Variants in CYP2C18 observed in about 807,000 individuals in gnomAD.
CYP2C18 encodes the protein cytochrome P450 family 2 subfamily C member 18.
CYP2C18 carries 38 observed loss-of-function variants against 41.3 expected under a neutral mutation model. That is an observed-to-expected ratio of 0.92 (90% confidence interval 0.71 to 1.21). The LOEUF (loss-of-function observed/expected upper bound fraction) is 1.21, where lower values mean the gene tolerates loss of function less well. Among genes scored for constraint, CYP2C18 ranks in the 50% most tolerant of loss-of-function variants. The probability of loss-of-function intolerance (pLI) is 0.00; values close to 1 mark genes in which losing one functional copy is unlikely to be tolerated. For missense variants in CYP2C18, 635 were observed against 591.4 expected, an observed-to-expected ratio of 1.07 and a Z score of -0.77; for synonymous variants, 236 against 210.0, an observed-to-expected ratio of 1.12 and a Z score of -1.07.
intron 5 of CYP2C18, among the ~76,000 whole-genome samples, 166 bp downstream of exon 5, chr10:94,707,126 TTA>T (rs1491211411): frequency 1.7e-4 from 2 of 11,492 alleles, no homozygotes; most frequent in Non-Finnish European, 2.5e-3. Flanking sequence ...TGTTAAACAA[TTA>T]TATGTGAGCA....
chr10:94,712,688 T>A (rs1847460514), intron 5 of CYP2C18, among the ~76,000 whole-genome samples: 2 of 152,186 alleles, frequency 1.3e-5, no homozygotes, highest in Non-Finnish European at 2.9e-5. Context: ...TGATTTCAAA[T>A]CTTTTGAGTA....
intron 1 of CYP2C18, among the ~76,000 whole-genome samples, chr10:94,686,391 C>T (rs952038405): frequency 6.6e-6 from 1 of 152,156 alleles, no homozygotes; most frequent in Admixed American, 6.5e-5. Flanking sequence ...TACGAATATT[C>T]CTATATGAAT....
In CYP2C18 at chr10:94,683,770, A is replaced by C; in HGVS notation, c.-50A>C. On this transcript the variant is annotated 5_prime_UTR_variant, in exon 1 of 9. Coordinates refer to ENST00000285979, the MANE Select transcript of CYP2C18 (RefSeq NM_000772.3). ...GTGGATTAGTAGGGAGTGTTATAAAAGCCTTGAAGTGAAAGCCCGCAGTTG... is the reference window on the plus strand; with the variant it reads ...GTGGATTAGTAGGGAGTGTTATAAACGCCTTGAAGTGAAAGCCCGCAGTTG... 6.9e-7 allele frequency: 1 copy of C among 1,449,436 alleles called. No homozygotes were observed. Among genetic ancestry groups the C allele is most frequent in the Non-Finnish European group, 9.3e-7 (1 of 1,079,340 alleles). 89.8% of individuals were successfully genotyped at this position (1,449,436 alleles called of 1,614,324 possible). A position where few individuals can be genotyped will look rare whatever the true frequency, so the allele number is the denominator to read the frequency against.
rs545519859 is a variant in CYP2C18 at position 94,725,711 on chromosome 10, G to A, written c.1149+1178G>A. Among the ~76,000 whole-genome samples the A allele has an allele frequency of 8.8e-4, 134 of 151,892 alleles. 1 individual carries two copies. Among genetic ancestry groups the A allele is most frequent in the African/African-American group, 2.9e-3 (120 of 41,446 alleles). ...ATCAAATGGAGTCTCTGCATCAATC[G>A]ATATGGCCATATATTTTGTCCTGTC... On this transcript the variant is annotated intron_variant, in intron 7 of 8. Coordinates refer to ENST00000285979, the MANE Select transcript of CYP2C18 (RefSeq NM_000772.3).
chr10:94,715,568 G>C (rs1023187789), intron 5 of CYP2C18, among the ~76,000 whole-genome samples: 1 of 152,158 alleles, frequency 6.6e-6, no homozygotes, highest in African/African-American at 2.4e-5. Context: ...TTAATGTGCT[G>C]CTGGAATCAG....
Position 94,698,172 on chromosome 10 carries a change from A to G in CYP2C18, c.642+3095A>G, listed in dbSNP as rs577090352. ...GAACTCTCCACCCCAAATCAACAGA[A>G]TATACATTCTTTTCAGCACCACACC... On this transcript the variant is annotated intron_variant, in intron 4 of 8. Transcript: ENST00000285979. 2.1e-3 allele frequency among the ~76,000 whole-genome samples: 326 copies of G among 152,312 alleles called. 2 individuals carry two copies. The highest frequency in any genetic ancestry group is 4.1e-3 in the Admixed American group (62 of 15,292).
rs188023049 is a variant in CYP2C18 at position 94,719,155 on chromosome 10, G to A, written c.820-1241G>A. On this transcript the variant is annotated intron_variant, in intron 5 of 8. Coordinates refer to ENST00000285979, the MANE Select transcript of CYP2C18 (RefSeq NM_000772.3). ...TGTCCCTATTGTGACACTGAGAATT[G>A]CAAACCCTTGATTCTTGCTTATAAT... is the stretch of plus-strand genomic sequence containing the variant. Among the ~76,000 whole-genome samples, 42 of 152,108 alleles carry A rather than the reference G, an allele frequency of 2.8e-4. 1 individual carries two copies. Among genetic ancestry groups the A allele is most frequent in the African/African-American group, 9.6e-4 (40 of 41,516 alleles).
At chr10:94,691,649 T>C (rs1481632098) in intron 3 of CYP2C18, among the ~76,000 whole-genome samples, 1 of 152,208 alleles carries the variant, frequency 6.6e-6, no homozygotes, top group Non-Finnish European at 1.5e-5. Flanking sequence ...ACAATGACTT[T>C]CTTCACAGAA....
At chr10:94,703,460 T>C (rs758960891) in intron 4 of CYP2C18, among the ~76,000 whole-genome samples, 5 of 152,214 alleles carry the variant, frequency 3.3e-5, no homozygotes, top group Non-Finnish European at 7.4e-5. Flanking sequence ...AGAGACAGTC[T>C]GGCTACAGGG....
chr10:94,732,125 G>C (rs1357138998), intron 7 of CYP2C18, among the ~76,000 whole-genome samples: 2 of 151,992 alleles, frequency 1.3e-5, no homozygotes, highest in East Asian at 3.9e-4. Context: ...TTAAACAATT[G>C]AACAAACAGA....
At chr10:94,687,654 T>C (rs1183310174) in intron 1 of CYP2C18, 116 bp from the exon 2 acceptor site, 6 of 953,888 alleles carry the variant, frequency 6.3e-6, no homozygotes, top group South Asian at 5.0e-5. Context: ...TTTGAAGCTG[T>C]ATTTGACAGA....
intron 4 of CYP2C18, among the ~76,000 whole-genome samples, chr10:94,700,314 A>C (rs1051043767): frequency 6.6e-6 from 1 of 152,234 alleles, no homozygotes; most frequent in Non-Finnish European, 1.5e-5. Context: ...AGCCCTCAGA[A>C]ATAATGCCAC....
In CYP2C18 at chr10:94,733,297, G is replaced by A. The variant is rs1181445385; in HGVS notation, c.1150G>A (p.Gly384Ser). 4 of 1,611,342 alleles carry A rather than the reference G, an allele frequency of 2.5e-6. No individual in the cohort carries two copies. Among genetic ancestry groups the A allele is most frequent in the East Asian group, 2.2e-5 (1 of 44,776 alleles). ...VKFKNYLIPK[G>S]TTIITSLTSV... ...AGTTTGTCTGTTTTGCTATTTTCAG[G>A]GCACGACCATAATAACATCCCTGAC... is the stretch of plus-strand genomic sequence containing the variant. The change falls in exon 8 of 9, where the codon GGC becomes AGC. Residue 384 changes from glycine to serine, a missense_variant and splice_region_variant. Gly to Ser is a moderately conservative substitution (Grantham distance 56). Transcript: ENST00000285979.
intron 1 of CYP2C18, among the ~76,000 whole-genome samples, chr10:94,684,741 T>C (rs1306092971): frequency 3.3e-5 from 5 of 152,154 alleles, no homozygotes; most frequent in African/African-American, 4.8e-5. Context: ...GATCATCTGA[T>C]AGTTCTATTT....
chr10:94,736,091 C>A lies in CYP2C18; in HGVS notation c.*647C>A, dbSNP rs1398736958. 2 of 152,122 alleles carry A rather than the reference C, an allele frequency of 1.3e-5. No homozygotes were observed. Among genetic ancestry groups the A allele is most frequent in the Non-Finnish European group, 2.9e-5 (2 of 68,008 alleles). The allele number at this position is 152,122 out of a possible 1,614,324, so 9.4% of individuals were successfully genotyped here. A position where few individuals can be genotyped will look rare whatever the true frequency, so the allele number is the denominator to read the frequency against. On this transcript the variant is annotated 3_prime_UTR_variant, in exon 9 of 9. Coordinates refer to ENST00000285979, the MANE Select transcript of CYP2C18 (RefSeq NM_000772.3). ...ATTAAGTGTTTGAATTCATGCTCTG[C>A]TTTTGTGTTACTGTAAACACAAGAT...
intron 3 of CYP2C18, among the ~76,000 whole-genome samples, chr10:94,689,304 T>C (rs1231557918): frequency 2.6e-5 from 4 of 152,012 alleles, no homozygotes; most frequent in African/African-American, 9.7e-5. Flanking sequence ...TGTATTCAGC[T>C]TTCTTTATAT....
chr10:94,702,311 A>G (rs975672254), intron 4 of CYP2C18, among the ~76,000 whole-genome samples: 18 of 152,140 alleles, frequency 1.2e-4, no homozygotes, highest in Non-Finnish European at 2.4e-4. Flanking sequence ...TCTCCTGGAT[A>G]GTATCCTGAA....
At chr10:94,719,294 A>G (rs751751698) in intron 5 of CYP2C18, among the ~76,000 whole-genome samples, 3 of 152,196 alleles carry the variant, frequency 2.0e-5, no homozygotes, top group Non-Finnish European at 4.4e-5. Context: ...TTTATTTCAC[A>G]TACAGGGTGT....
At position 94,695,004 on chromosome 10, in the gene CYP2C18, A is replaced by C; in HGVS notation, c.569A>C (p.Lys190Thr). 6.2e-7 allele frequency: 1 copy of C among 1,613,296 alleles called. No individual in the cohort carries two copies. The highest frequency in any genetic ancestry group is 8.5e-7 in the Non-Finnish European group (1 of 1,179,856). ...SVIFHDRFDY[K>T]DQRFLNLMEK... Reference sequence around the variant, plus strand: ...ATTTTCCATGATCGATTTGATTATAAAGATCAGAGGTTTCTTAACTTGATG... The same window carrying C: ...ATTTTCCATGATCGATTTGATTATACAGATCAGAGGTTTCTTAACTTGATG... The change falls in exon 4 of 9, where the codon AAA (lysine) becomes ACA (threonine). Residue 190 changes from lysine to threonine, a missense_variant. Physicochemically the swap from Lys to Thr is moderately conservative, Grantham distance 78. Coordinates refer to ENST00000285979, the MANE Select transcript of CYP2C18 (RefSeq NM_000772.3).
Sources: allele counts gnomAD v4.1 joint callset (sites outside exome capture counted in the v4.1 genomes callset), GRCh38; gene constraint gnomAD v4.1.1; transcripts MANE v1.5; gene names NCBI Gene and HGNC (gene_info 2026-07-23, HGNC 2026-07-21).